Variants in TSC1 observed in about 807,000 individuals in gnomAD.
TSC1 encodes the protein hamartin.
TSC1 carries 20 observed loss-of-function variants against 124.3 expected under a neutral mutation model. That is an observed-to-expected ratio of 0.16 (90% CI 0.11 to 0.23). The LOEUF is 0.23. Ranked by LOEUF, TSC1 falls within the 10% of genes least tolerant of loss-of-function variation. The pLI is 1.00. For synonymous variants in TSC1, 493 were observed against 539.1 expected (o/e 0.91, Z 1.19); for missense variants, 1,124 against 1,448.5 (o/e 0.78, Z 3.64).
chr9:132,903,949 C>T lies in TSC1; in HGVS notation c.2042-132G>A. ...AAATCACCACTCTCTTTGCAAATGA[C>T]CACTTGACTCCCAGCAACAGCAGGG... On this transcript the variant is annotated intron_variant, in intron 16 of 22. Transcript: ENST00000298552. The surrounding 1 kb of genome is among the most constrained non-coding windows in gnomAD (Gnocchi z 5.9). 3 of 1,053,010 alleles carry T rather than the reference C, an allele frequency of 2.8e-6. No homozygotes were observed. Among genetic ancestry groups the T allele is most frequent in the African/African-American group, 1.6e-5 (1 of 63,908 alleles). 65.2% of individuals were successfully genotyped at this position (1,053,010 alleles called of 1,614,324 possible). A position where few individuals can be genotyped will look rare whatever the true frequency, so the allele number is the denominator to read the frequency against.
intron 5 of TSC1, among the ~76,000 whole-genome samples, chr9:132,924,427 T>C (rs766973683): frequency 7.9e-5 from 12 of 152,218 alleles, no homozygotes; most frequent in African/African-American, 1.4e-4. Flanking sequence ...GGTAGGAGAA[T>C]TGAGAATATA....
intron 1 of TSC1, 129 bp downstream of exon 1, chr9:132,944,414 C>T (rs1847953968): frequency 2.5e-6 from 1 of 395,282 alleles, no homozygotes; most frequent in Admixed American, 4.4e-5. Context: ...ACCCCCCTTC[C>T]CCGGGATCCC....
At position 132,893,384 on chromosome 9, in the gene TSC1, A is replaced by G. The variant is rs1844868542; in HGVS notation, c.*2851T>C. ...ACCACGTGTTTCTTCCAATCCCATA[A>G]TAACAATTTTTATAGACTGTATAGC... On this transcript the variant is annotated 3_prime_UTR_variant, in exon 23 of 23. Coordinates refer to ENST00000298552, the MANE Select transcript of TSC1 (RefSeq NM_000368.5). 1 of 233,146 alleles carries G rather than the reference A, an allele frequency of 4.3e-6. No individual in the cohort carries two copies. Among genetic ancestry groups the G allele is most frequent in the Non-Finnish European group, 8.5e-6 (1 of 118,060 alleles). 14.4% of individuals were successfully genotyped at this position (233,146 alleles called of 1,614,324 possible).
At chr9:132,936,307 G>A (rs1847455777) in intron 1 of TSC1, among the ~76,000 whole-genome samples, 1 of 151,998 alleles carries the variant, frequency 6.6e-6, no homozygotes, top group African/African-American at 2.4e-5. Flanking sequence ...TTTAAAGATG[G>A]GGTCTCACTA....
At position 132,905,930 on chromosome 9, in the gene TSC1, G is replaced by C. The variant is rs118203553; in HGVS notation, c.1648C>G (p.Gln550Glu). Residue 550 changes from glutamine (Q) to glutamate (E), a missense_variant, in exon 15 of 23, where the codon CAA (glutamine) becomes GAA (glutamate). Coordinates refer to ENST00000298552, the MANE Select transcript of TSC1 (RefSeq NM_000368.5). ...LDKLGPDTPK[Q>E]AFTPIDLPCG... Reference sequence around the variant, plus strand: ...GGCAGGTCTATGGGAGTAAAGGCTTGCTTTGGTGTGTCAGGCCCAAGCTTG... The same window carrying C: ...GGCAGGTCTATGGGAGTAAAGGCTTCCTTTGGTGTGTCAGGCCCAAGCTTG... The C allele has an allele frequency of 3.5e-5, 57 of 1,613,766 alleles. No individual in the cohort carries two copies. The Middle Eastern group carries it at 6.6e-4, about 19-fold the overall frequency.
intron 1 of TSC1, among the ~76,000 whole-genome samples, chr9:132,940,485 T>G (rs148595762): frequency 3.9e-4 from 59 of 152,258 alleles, no homozygotes; most frequent in African/African-American, 1.4e-3. Flanking sequence ...ACCACCAAAG[T>G]TAAGAACCAC....
chr9:132,914,682 C>A (rs1846173043), intron 8 of TSC1, among the ~76,000 whole-genome samples: 1 of 145,820 alleles, frequency 6.9e-6, no homozygotes, highest in African/African-American at 2.6e-5. Flanking sequence ...CATGGCAAAA[C>A]CCCATCTTAA....
In TSC1 at chr9:132,912,420, A is replaced by T. The variant is rs1191767597; in HGVS notation, c.775T>A (p.Cys259Ser). The change falls in exon 9 of 23, where the codon TGT becomes AGT. Residue 259 changes from cysteine to serine, a missense_variant. Coordinates refer to ENST00000298552, the MANE Select transcript of TSC1 (RefSeq NM_000368.5). Reference sequence around the variant, plus strand: ...GTGGGATCCAGAGAGATTTTGGCACACTCGATCACAACATCATGAGTTTCT... The same window carrying T: ...GTGGGATCCAGAGAGATTTTGGCACTCTCGATCACAACATCATGAGTTTCT... ...RLETHDVVIE[C>S]AKISLDPTEA... 2 of 1,614,194 alleles carry T rather than the reference A, an allele frequency of 1.2e-6. No individual in the cohort carries two copies. Among genetic ancestry groups the T allele is most frequent in the Non-Finnish European group, 1.7e-6 (2 of 1,180,030 alleles).
At chr9:132,909,373 C>T (rs961672669) in intron 12 of TSC1, among the ~76,000 whole-genome samples, 3 of 152,210 alleles carry the variant, frequency 2.0e-5, no homozygotes, top group African/African-American at 2.4e-5. Context: ...ACAGACTTTT[C>T]GGTCTCATCA....
At chr9:132,935,993 T>C (rs2132405786) in intron 1 of TSC1, among the ~76,000 whole-genome samples, 1 of 152,334 alleles carries the variant, frequency 6.6e-6, no homozygotes, top group East Asian at 1.9e-4. Flanking sequence ...TGAACATGCC[T>C]CCTTCACTAG....
At chr9:132,925,812 T>A (rs2132243260) in intron 4 of TSC1, 73 bp from the exon 5 acceptor site, 2 of 1,560,704 alleles carry the variant, frequency 1.3e-6, no homozygotes, top group South Asian at 2.2e-5. Context: ...ACAGCAATGA[T>A]GTGCTCCAAT....
chr9:132,943,196 A>G (rs1241956274), intron 1 of TSC1, among the ~76,000 whole-genome samples: 1 of 151,818 alleles, frequency 6.6e-6, no homozygotes, highest in African/African-American at 2.4e-5. Context: ...AGCTTACTCT[A>G]TGCAACGTGA....
chr9:132,926,389 C>G (rs995162397), intron 4 of TSC1: 2 of 157,962 alleles, frequency 1.3e-5, no homozygotes, highest in Non-Finnish European at 2.8e-5. Flanking sequence ...GTCTTCAAAT[C>G]CTGGGGAAGT....
chr9:132,903,942 CA>C lies in TSC1; in HGVS notation c.2042-126del. ...TAAAAACAAATCACCACTCTCTTTGCAAATGACCACTTGACTCCCAGCAACA... is the reference window on the plus strand; with the variant it reads ...TAAAAACAAATCACCACTCTCTTTGCAATGACCACTTGACTCCCAGCAACA... On this transcript the variant is annotated intron_variant, in intron 16 of 22. Transcript: ENST00000298552. This position sits in a 1 kb window ranked among gnomAD's most constrained non-coding sequence, Gnocchi z 5.9. The C allele has an allele frequency of 8.7e-7, 1 of 1,143,918 alleles. No homozygotes were observed. The highest frequency in any genetic ancestry group is 1.3e-6 in the Non-Finnish European group (1 of 786,204). 70.9% of individuals were successfully genotyped at this position (1,143,918 alleles called of 1,614,324 possible). A position where few individuals can be genotyped will look rare whatever the true frequency, so the allele number is the denominator to read the frequency against.
At position 132,906,271 on chromosome 9, in the gene TSC1, C is replaced by T; in HGVS notation, c.1439-132G>A. The T allele has an allele frequency of 9.9e-7, 1 of 1,013,756 alleles. No homozygotes were observed. Among genetic ancestry groups the T allele is most frequent in the Non-Finnish European group, 1.5e-6 (1 of 671,090 alleles). The allele number at this position is 1,013,756 out of a possible 1,614,324, so 62.8% of individuals were successfully genotyped here. ...GGAGAAAAAGTGGCATCCGGCTGGA[C>T]ACAGTGGCTCACGCCTGTAATGCCA... On this transcript the variant is annotated intron_variant, in intron 14 of 22. Transcript: ENST00000298552. This position sits in a 1 kb window ranked among gnomAD's most constrained non-coding sequence, Gnocchi z 4.1.
rs1281554383 is a variant in TSC1 at position 132,897,532 on chromosome 9, G to A, written c.2704C>T (p.Leu902Phe). The A allele has an allele frequency of 6.2e-7, 1 of 1,611,012 alleles. No homozygotes were observed. Among genetic ancestry groups the A allele is most frequent in the East Asian group, 2.2e-5 (1 of 44,696 alleles). ...RSHVLQQTQRLDTSQKRILEL... is the reference protein window; with the variant it reads ...RSHVLQQTQRFDTSQKRILEL... ...AAAATCCGTTTTTGGGAGGTATCAA[G>A]CCTCTGAGTCTGCTGGAGAACATGG... The change falls in exon 21 of 23, where the codon CTT (leucine) becomes TTT (phenylalanine). Residue 902 changes from leucine to phenylalanine, a missense_variant. Physicochemically the swap from Leu to Phe is conservative, Grantham distance 22. Transcript: ENST00000298552.
Position 132,906,244 on chromosome 9 carries a change from G to A in TSC1, c.1439-105C>T, listed in dbSNP as rs758086949. 9 of 1,341,676 alleles carry A rather than the reference G, an allele frequency of 6.7e-6. No individual in the cohort carries two copies. The highest frequency in any genetic ancestry group is 5.2e-6 in the Non-Finnish European group (5 of 962,958). 83.1% of individuals were successfully genotyped at this position (1,341,676 alleles called of 1,614,324 possible). The stretch of plus-strand genomic sequence containing the variant: ...GCCACATGCCAGTGTCACTCAGAGA[G>A]AGGAGAAAAAGTGGCATCCGGCTGG... On this transcript the variant is annotated intron_variant, in intron 14 of 22. Coordinates refer to ENST00000298552, the MANE Select transcript of TSC1 (RefSeq NM_000368.5). The surrounding 1 kb of genome is among the most constrained non-coding windows in gnomAD (Gnocchi z 4.1).
Position 132,906,952 on chromosome 9 carries a change from G to A in TSC1, c.1334-117C>T, listed in dbSNP as rs774663436. The A allele has an allele frequency of 1.6e-5, 13 of 816,962 alleles. No homozygotes were observed. Among genetic ancestry groups the A allele is most frequent in the Non-Finnish European group, 2.7e-5 (13 of 485,062 alleles). The allele number at this position is 816,962 out of a possible 1,614,324, so 50.6% of individuals were successfully genotyped here. A position where few individuals can be genotyped will look rare whatever the true frequency, so the allele number is the denominator to read the frequency against. ...ATAACTCTTCATGCTGAACAGAGAA[G>A]GCTGGACATGGCTCTGTCCTGGGGA... On this transcript the variant is annotated intron_variant, in intron 13 of 22. Transcript: ENST00000298552. The surrounding 1 kb of genome is among the most constrained non-coding windows in gnomAD (Gnocchi z 4.1).
chr9:132,910,174 G>T, intron 12 of TSC1: 1 of 379,436 alleles, frequency 2.6e-6, no homozygotes, highest in South Asian at 4.9e-5. Context: ...CATGGCACAT[G>T]CCTGTAGTCC....
Sources: gnomAD v4.1 joint callset for allele counts (sites outside exome capture counted in the v4.1 genomes callset) on GRCh38, gnomAD v4.1.1 for gene constraint, Gnocchi (gnomAD v3.1) non-coding constraint, MANE v1.5 for transcripts, NCBI Gene and HGNC (gene_info 2026-07-23, HGNC 2026-07-21) for gene names.